Variants in CUX1 observed in about 807,000 individuals in gnomAD.
CUX1 encodes the protein cut like homeobox 1.
CUX1 carries 31 observed loss-of-function variants against 158.8 expected under a neutral mutation model. The observed-to-expected ratio is 0.20, with a 90% confidence interval of 0.15 to 0.26. The LOEUF (loss-of-function observed/expected upper bound fraction) is 0.26, where lower values mean the gene tolerates loss of function less well. CUX1 is among the 10% of genes least tolerant of loss of function. CUX1 has a pLI of 1.00. For synonymous variants in CUX1, 879 were observed against 862.1 expected, an observed-to-expected ratio of 1.02 and a Z score of -0.34; for missense variants, 1,589 against 2,014.6, an observed-to-expected ratio of 0.79 and a Z score of 4.04.
intron 1 of CUX1, among the ~76,000 whole-genome samples, chr7:101,851,000 A>G (rs969462664): frequency 2.0e-5 from 3 of 152,138 alleles, no homozygotes; most frequent in Non-Finnish European, 4.4e-5. Context: ...TCCCAGCTAC[A>G]TGGGTAGCTG....
intron 20 of CUX1, among the ~76,000 whole-genome samples, chr7:102,216,760 ACT>A (rs782470788): frequency 4.5e-5 from 6 of 133,490 alleles, no homozygotes; most frequent in Admixed American, 7.7e-5. Context: ...GCACACACAC[ACT>A]CTTCCACACA....
intron 2 of CUX1, among the ~76,000 whole-genome samples, chr7:101,984,161 TG>T: frequency 7.2e-6 from 1 of 138,086 alleles, no homozygotes. Flanking sequence ...TGTGTGTGTG[TG>T]TGTGTGTGTG....
At position 102,251,565 on chromosome 7, in the gene CUX1, G is replaced by A; in HGVS notation, c.*2523G>A. 1 of 985,422 alleles carries A rather than the reference G, an allele frequency of 1.0e-6. No homozygotes were observed. Among genetic ancestry groups the A allele is most frequent in the Middle Eastern group, 5.2e-4 (1 of 1,914 alleles). The allele number at this position is 985,422 out of a possible 1,614,324, so 61.0% of individuals were successfully genotyped here. A position where few individuals can be genotyped will look rare whatever the true frequency, so the allele number is the denominator to read the frequency against. On this transcript the variant is annotated 3_prime_UTR_variant, in exon 24 of 24. Coordinates refer to ENST00000292535, the MANE Select transcript of CUX1 (RefSeq NM_181552.4). ...GTATCATTTCTGAACTTGAAATCCA[G>A]TTCAGGGAGAAGAGAATTCAAAATT...
intron 21 of CUX1, among the ~76,000 whole-genome samples, chr7:102,228,349 C>T (rs577624752): frequency 6.6e-6 from 1 of 152,196 alleles, no homozygotes; most frequent in East Asian, 1.9e-4. Flanking sequence ...CATAGCAAGA[C>T]CCCATCTCTA....
chr7:102,086,502 G>A (rs1343920408), intron 4 of CUX1, among the ~76,000 whole-genome samples: 2 of 151,964 alleles, frequency 1.3e-5, no homozygotes, highest in Admixed American at 6.6e-5. Flanking sequence ...TGTTTGAATG[G>A]CATGTTCTAG....
chr7:102,128,554 G>A (rs985996981), intron 8 of CUX1, among the ~76,000 whole-genome samples: 11 of 150,924 alleles, frequency 7.3e-5, no homozygotes, highest in South Asian at 2.1e-4. Context: ...CCAGGGCACC[G>A]GGCACAGCAT....
intron 3 of CUX1, among the ~76,000 whole-genome samples, chr7:102,050,036 A>T (rs1823288204): frequency 6.6e-6 from 1 of 152,120 alleles, no homozygotes; most frequent in Non-Finnish European, 1.5e-5. Flanking sequence ...CCCTGATAGG[A>T]GCAGACTCCC....
chr7:101,980,938 T>G (rs936790222), intron 2 of CUX1, among the ~76,000 whole-genome samples: 2 of 152,198 alleles, frequency 1.3e-5, no homozygotes, highest in South Asian at 4.1e-4. Context: ...GGATGCTCTT[T>G]CCCCCTTTAG....
At chr7:102,004,528 T>G (rs1817085044) in intron 2 of CUX1, among the ~76,000 whole-genome samples, 1 of 152,174 alleles carries the variant, frequency 6.6e-6, no homozygotes, top group African/African-American at 2.4e-5. Context: ...AAACTTTCAT[T>G]CCAAGAGTGT....
intron 2 of CUX1, among the ~76,000 whole-genome samples, chr7:102,012,858 A>G (rs1249077706): frequency 6.6e-6 from 1 of 152,174 alleles, no homozygotes. Context: ...CAGCTTTTAG[A>G]ATCCTGAAAA....
intron 1 of CUX1, among the ~76,000 whole-genome samples, chr7:101,915,169 G>A (rs1036022319): frequency 6.6e-6 from 1 of 152,178 alleles, no homozygotes; most frequent in African/African-American, 2.4e-5. Context: ...AGGAAAACAG[G>A]CCTTTTGGTG....
chr7:101,982,770 G>C (rs898733303), intron 2 of CUX1, among the ~76,000 whole-genome samples: 4 of 151,572 alleles, frequency 2.6e-5, no homozygotes, highest in Non-Finnish European at 5.9e-5. Context: ...TGTGCACAAC[G>C]TGCAGGTTTG....
At chr7:102,134,086 G>A (rs1176054490) in intron 8 of CUX1, among the ~76,000 whole-genome samples, 1 of 152,200 alleles carries the variant, frequency 6.6e-6, no homozygotes, top group African/African-American at 2.4e-5. Context: ...TGTAATCACA[G>A]CACCTTGAGA....
At chr7:102,181,095 C>A (rs1793039762) in intron 11 of CUX1, among the ~76,000 whole-genome samples, 1 of 151,932 alleles carries the variant, frequency 6.6e-6, no homozygotes, top group Non-Finnish European at 1.5e-5. Context: ...GCATGAGCCA[C>A]CACTTCCGGA....
chr7:101,883,579 T>C (rs1799931216), intron 1 of CUX1, among the ~76,000 whole-genome samples: 1 of 134,698 alleles, frequency 7.4e-6, no homozygotes. Context: ...TTTTTTTCTT[T>C]TTCTTTAATT....
chr7:101,846,430 C>CA, intron 1 of CUX1, among the ~76,000 whole-genome samples: 1 of 152,162 alleles, frequency 6.6e-6, no homozygotes, highest in Non-Finnish European at 1.5e-5. Flanking sequence ...GCGATCCTCC[C>CA]ACCACAGCCT....
intron 7 of CUX1, among the ~76,000 whole-genome samples, chr7:102,113,263 G>T (rs1554490807): frequency 6.6e-6 from 1 of 152,080 alleles, no homozygotes; most frequent in African/African-American, 2.4e-5. Context: ...TTTTGAGACG[G>T]AGTCTTGCTC....
intron 8 of CUX1, among the ~76,000 whole-genome samples, chr7:102,132,923 A>C (rs1455887797): frequency 2.0e-5 from 3 of 151,792 alleles, no homozygotes; most frequent in African/African-American, 4.8e-5. Flanking sequence ...CACCTGCCTC[A>C]GCCTCCCAAA....
chr7:102,038,049 C>CAAA (rs11449826), intron 3 of CUX1, among the ~76,000 whole-genome samples: 5 of 142,550 alleles, frequency 3.5e-5, no homozygotes, highest in African/African-American at 7.8e-5. Flanking sequence ...GACTCTGTCT[C>CAAA]AAAAAAAAAA....
Sources: allele counts gnomAD v4.1 joint callset (sites outside exome capture counted in the v4.1 genomes callset), GRCh38; gene constraint gnomAD v4.1.1; transcripts MANE v1.5; gene names NCBI Gene and HGNC (gene_info 2026-07-23, HGNC 2026-07-21).